Variants in MACROD2 observed in about 807,000 individuals in gnomAD.
MACROD2 encodes ADP-ribose glycohydrolase MACROD2.
In MACROD2, 36 loss-of-function variants were observed where a neutral mutation model predicts 70.4. The observed-to-expected ratio is 0.51, with a 90% confidence interval of 0.39 to 0.68. The LOEUF (loss-of-function observed/expected upper bound fraction) is 0.68, where lower values mean the gene tolerates loss of function less well. MACROD2 is among the 30% of genes least tolerant of loss of function. MACROD2 has a pLI of 0.00. For synonymous variants in MACROD2, 172 were observed against 178.8 expected, an observed-to-expected ratio of 0.96 and a Z score of 0.30; for missense variants, 496 against 538.4, an observed-to-expected ratio of 0.92 and a Z score of 0.78.
At chr20:15,737,466 A>T (rs2051039348) in intron 8 of MACROD2, among the ~76,000 whole-genome samples, 1 of 152,162 alleles carries the variant, frequency 6.6e-6, no homozygotes, top group Admixed American at 6.5e-5. Flanking sequence ...CCAAGCTCCC[A>T]TCTGTGTACC....
intron 10 of MACROD2, among the ~76,000 whole-genome samples, chr20:15,905,210 G>A (rs754848220): frequency 2.6e-5 from 4 of 152,094 alleles, no homozygotes; most frequent in Non-Finnish European, 5.9e-5. Flanking sequence ...GGGCCTCTGA[G>A]AACATCTAGG....
chr20:15,026,124 T>C (rs2075229658), intron 5 of MACROD2, among the ~76,000 whole-genome samples: 1 of 152,178 alleles, frequency 6.6e-6, no homozygotes. Flanking sequence ...GGGGGGAACA[T>C]TAATTAGTTC....
Position 14,345,047 on chromosome 20 carries a change from T to TCCTTTGACTG in MACROD2, c.272-148432_272-148431insCCTTTGACTG, listed in dbSNP as rs1398305947. On this transcript the variant is annotated intron_variant, in intron 3 of 17. Coordinates refer to ENST00000684519, the MANE Select transcript of MACROD2 (RefSeq NM_001351661.2). ...CAAAGGATTTTGACTGACCAAAGAG[T>TCCTTTGACTG]AGGAAAGGACTAGCAAAATATAAAT... is the stretch of plus-strand genomic sequence containing the variant. Among the ~76,000 whole-genome samples, 27 of 152,132 alleles carry TCCTTTGACTG rather than the reference T, an allele frequency of 1.8e-4. No homozygotes were observed. The South Asian group carries it at 5.6e-3, about 32-fold the overall frequency.
intron 4 of MACROD2, among the ~76,000 whole-genome samples, chr20:14,583,430 C>T (rs980644948): frequency 1.3e-5 from 2 of 152,102 alleles, no homozygotes; most frequent in Admixed American, 6.6e-5. Flanking sequence ...GGATTCAAGC[C>T]CTAGTTTCCC....
At chr20:14,117,647 A>G in intron 3 of MACROD2, among the ~76,000 whole-genome samples, 1 of 152,186 alleles carries the variant, frequency 6.6e-6, no homozygotes, top group East Asian at 1.9e-4. Flanking sequence ...TGTGTAGGCT[A>G]AGGAGTTCTC....
chr20:15,431,023 A>C (rs1186261664), intron 6 of MACROD2, among the ~76,000 whole-genome samples: 2 of 152,154 alleles, frequency 1.3e-5, no homozygotes, highest in East Asian at 1.9e-4. Context: ...AGACACACAT[A>C]ATCTCAAGAG....
chr20:15,462,057 C>T (rs1412023674), intron 7 of MACROD2, among the ~76,000 whole-genome samples: 1 of 152,112 alleles, frequency 6.6e-6, no homozygotes, highest in Non-Finnish European at 1.5e-5. Context: ...ATAGATTCCA[C>T]CCAAATCATG....
At chr20:14,486,460 T>A (rs2084731692) in intron 3 of MACROD2, among the ~76,000 whole-genome samples, 1 of 150,746 alleles carries the variant, frequency 6.6e-6, no homozygotes, top group Admixed American at 6.6e-5. Context: ...AGGGCAAGTA[T>A]AGAGAATGGG....
At chr20:15,883,594 A>G (rs1022883667) in intron 9 of MACROD2, among the ~76,000 whole-genome samples, 1 of 19,250 alleles carries the variant, frequency 5.2e-5, no homozygotes, top group African/African-American at 6.7e-5. Flanking sequence ...TAAATCTCTA[A>G]TCATCATTAA....
intron 3 of MACROD2, among the ~76,000 whole-genome samples, chr20:14,256,669 C>A (rs1335206769): frequency 6.6e-6 from 1 of 152,144 alleles, no homozygotes; most frequent in African/African-American, 2.4e-5. Flanking sequence ...CTAAGGTCTC[C>A]TAATGGAAAG....
intron 8 of MACROD2, among the ~76,000 whole-genome samples, chr20:15,563,781 C>T (rs775935773): frequency 6.6e-6 from 1 of 152,086 alleles, no homozygotes; most frequent in Non-Finnish European, 1.5e-5. Flanking sequence ...GTTTGAAAGA[C>T]AGGGATATAG....
chr20:15,547,702 G>A (rs974593478), intron 8 of MACROD2, among the ~76,000 whole-genome samples: 1 of 152,264 alleles, frequency 6.6e-6, no homozygotes, highest in Middle Eastern at 3.4e-3. Context: ...CAAATTTTTT[G>A]ATTCCCATTT....
chr20:14,234,831 C>G (rs1477508502), intron 3 of MACROD2, among the ~76,000 whole-genome samples: 1 of 152,154 alleles, frequency 6.6e-6, no homozygotes, highest in African/African-American at 2.4e-5. Context: ...TTTGGGAGAT[C>G]AGCATTACTC....
At chr20:15,313,671 G>C (rs996049145) in intron 6 of MACROD2, among the ~76,000 whole-genome samples, 5 of 152,064 alleles carry the variant, frequency 3.3e-5, no homozygotes, top group African/African-American at 1.2e-4. Context: ...CAAGGAATAA[G>C]GTGTGTGTTG....
chr20:15,942,452 G>A lies in MACROD2; in HGVS notation c.907+4908G>A, dbSNP rs531253168. On this transcript the variant is annotated intron_variant, in intron 12 of 17. Coordinates refer to ENST00000684519, the MANE Select transcript of MACROD2 (RefSeq NM_001351661.2). ...CTGGGAAAAGATTTGTGGGTTGGTA[G>A]GCATTTTGAGGTTATTTGTGAAATA... Among the ~76,000 whole-genome samples the A allele has an allele frequency of 1.2e-4, 19 of 152,268 alleles. No homozygotes were observed. The East Asian group carries it at 3.7e-3, about 29-fold the overall frequency.
chr20:15,918,725 G>C (rs1036074395), intron 10 of MACROD2, among the ~76,000 whole-genome samples: 1 of 152,244 alleles, frequency 6.6e-6, no homozygotes, highest in African/African-American at 2.4e-5. Flanking sequence ...AGCTGTTGCT[G>C]TAAGATTGTT....
At chr20:14,186,288 G>T (rs1025463701) in intron 3 of MACROD2, among the ~76,000 whole-genome samples, 1 of 152,014 alleles carries the variant, frequency 6.6e-6, no homozygotes, top group Non-Finnish European at 1.5e-5. Flanking sequence ...CCATTTACTT[G>T]GTGGTTAAGG....
chr20:15,220,112 A>G (rs1349239570), intron 5 of MACROD2, among the ~76,000 whole-genome samples: 1 of 151,372 alleles, frequency 6.6e-6, no homozygotes, highest in African/African-American at 2.4e-5. Context: ...GAGATTTTTG[A>G]TGAGGTTTTG....
intron 5 of MACROD2, among the ~76,000 whole-genome samples, chr20:15,002,685 GA>G (rs2075005374): frequency 6.6e-6 from 1 of 152,096 alleles, no homozygotes; most frequent in Non-Finnish European, 1.5e-5. Flanking sequence ...CAGGGTGTAA[GA>G]AAAAAGCCAA....
Sources: allele counts gnomAD v4.1 joint callset (sites outside exome capture counted in the v4.1 genomes callset), GRCh38; gene constraint gnomAD v4.1.1; transcripts MANE v1.5; gene names NCBI Gene and HGNC (gene_info 2026-07-23, HGNC 2026-07-21).